ZMYND8: variants seen among roughly 807,000 people sequenced by gnomAD.
ZMYND8 encodes zinc finger MYND-type containing 8.
Under a neutral mutation model 140.8 loss-of-function variants are expected in ZMYND8, and 37 were observed. That is an observed-to-expected ratio of 0.26 (90% CI 0.20 to 0.35). ZMYND8 has a LOEUF of 0.35. Ranked by LOEUF, ZMYND8 falls within the 10% of genes least tolerant of loss-of-function variation. The pLI is 1.00. For missense variants in ZMYND8, 1,068 were observed against 1,570.0 expected, an observed-to-expected ratio of 0.68 and a Z score of 5.40; for synonymous variants, 592 against 597.1, an observed-to-expected ratio of 0.99 and a Z score of 0.12.
In ZMYND8 at chr20:47,333,214, T is replaced by TA. The variant is rs575136064; in HGVS notation, c.85+14641dup. On this transcript the variant is annotated intron_variant, in intron 2 of 22. Transcript: ENST00000471951. ...CATATATATATGAGAGAGAGAGAGATAAAAAAACACAAATGCATTTAAGCC... is the reference window on the plus strand; with the variant it reads ...CATATATATATGAGAGAGAGAGAGATAAAAAAAACACAAATGCATTTAAGCC... Among the ~76,000 whole-genome samples, 868 of 150,910 alleles carry TA rather than the reference T, an allele frequency of 5.8e-3. 9 individuals carry two copies. The highest frequency in any genetic ancestry group is 0.02 in the African/African-American group (830 of 41,040).
At position 47,282,226 on chromosome 20, in the gene ZMYND8, AG is replaced by A; in HGVS notation, c.883-10del. 1.9e-6 allele frequency: 3 copies of A among 1,607,736 alleles called. No homozygotes were observed. The highest frequency in any genetic ancestry group is 2.5e-6 in the Non-Finnish European group (3 of 1,177,108). On this transcript the variant is annotated splice_polypyrimidine_tract_variant and intron_variant, in intron 9 of 22. Coordinates refer to ENST00000471951, the MANE Select transcript of ZMYND8 (RefSeq NM_001281775.3). ...AAAGGATGTGGATTGCTCTAGGAAA[AG>A]AAAAACAAGATCCAGAGTTTGTACA...
intron 2 of ZMYND8, among the ~76,000 whole-genome samples, chr20:47,339,500 G>A (rs534651171): frequency 8.6e-5 from 13 of 151,294 alleles, no homozygotes; most frequent in South Asian, 2.1e-4. Flanking sequence ...TTTTTGAGAC[G>A]GAGTCTCACT....
intron 11 of ZMYND8, among the ~76,000 whole-genome samples, chr20:47,272,010 G>T (rs1027369531): frequency 2.1e-5 from 3 of 143,824 alleles, no homozygotes; most frequent in African/African-American, 2.5e-5. Context: ...CTGTAATAAA[G>T]AACTAATTTA....
At chr20:47,287,186 T>A (rs373094136) in intron 8 of ZMYND8, 43 bp downstream of exon 8, 16 of 1,571,666 alleles carry the variant, frequency 1.0e-5, no homozygotes, top group Non-Finnish European at 1.2e-5. Flanking sequence ...CCCCATCCCC[T>A]CCTTCTGGGT....
At chr20:47,247,105 T>C (rs1568982100) in intron 13 of ZMYND8, among the ~76,000 whole-genome samples, 1 of 152,230 alleles carries the variant, frequency 6.6e-6, no homozygotes, top group African/African-American at 2.4e-5. Context: ...CTTGCAGACA[T>C]GTTTCATGCG....
intron 19 of ZMYND8, among the ~76,000 whole-genome samples, chr20:47,222,449 T>C (rs916969944): frequency 6.6e-6 from 1 of 151,614 alleles, no homozygotes; most frequent in Non-Finnish European, 1.5e-5. Context: ...GGAAGGAGAA[T>C]GGCATGAGCC....
chr20:47,277,932 A>C (rs976824356), intron 10 of ZMYND8, among the ~76,000 whole-genome samples: 3 of 151,844 alleles, frequency 2.0e-5, no homozygotes, highest in Non-Finnish European at 4.4e-5. Context: ...CAGCCTCCCA[A>C]AGTGCTGGGA....
intron 18 of ZMYND8, 117 bp from the exon 19 acceptor site, chr20:47,224,673 G>T: frequency 6.5e-7 from 1 of 1,535,842 alleles, no homozygotes; most frequent in Non-Finnish European, 8.7e-7. Context: ...GAGAAGCCCT[G>T]GCTGTGTGCC....
chr20:47,221,603 G>A lies in ZMYND8; in HGVS notation c.3257-129C>T, dbSNP rs530803166. On this transcript the variant is annotated intron_variant, in intron 19 of 22. Transcript: ENST00000471951. The stretch of plus-strand genomic sequence containing the variant: ...CCCTACCCAGGGCATAAAAGTGGAG[G>A]CTCAAGGGGGCCAGATTGCCAGAGT... 10 of 1,144,894 alleles carry A rather than the reference G, an allele frequency of 8.7e-6. No homozygotes were observed. The South Asian group carries it at 1.7e-4, about 19-fold the overall frequency. 70.9% of individuals were successfully genotyped at this position (1,144,894 alleles called of 1,614,324 possible).
At chr20:47,272,406 A>C (rs971217282) in intron 11 of ZMYND8, among the ~76,000 whole-genome samples, 1 of 152,200 alleles carries the variant, frequency 6.6e-6, no homozygotes, top group Non-Finnish European at 1.5e-5. Flanking sequence ...GGTAACTCAC[A>C]GTGTAGCTAC....
At chr20:47,229,940 G>C (rs558956185) in intron 16 of ZMYND8, 134 bp from the exon 17 acceptor site, 20 of 698,110 alleles carry the variant, frequency 2.9e-5, no homozygotes, top group Admixed American at 1.5e-4. Context: ...GAGACACTGG[G>C]CATTTCTGGT....
At chr20:47,291,712 G>A (rs2077275650) in intron 6 of ZMYND8, 84 bp downstream of exon 6, 7 of 1,018,626 alleles carry the variant, frequency 6.9e-6, no homozygotes, top group African/African-American at 1.7e-5. Flanking sequence ...TGTCCAACTT[G>A]TGATAGAGCA....
At chr20:47,328,206 C>T (rs2148422398) in intron 2 of ZMYND8, among the ~76,000 whole-genome samples, 1 of 152,250 alleles carries the variant, frequency 6.6e-6, no homozygotes, top group Middle Eastern at 3.4e-3. Flanking sequence ...GGATCAGAGA[C>T]AAGGGATGTT....
At chr20:47,292,583 A>G (rs2077335413) in intron 5 of ZMYND8, among the ~76,000 whole-genome samples, 1 of 152,196 alleles carries the variant, frequency 6.6e-6, no homozygotes, top group African/African-American at 2.4e-5. Context: ...AAATTTCAGA[A>G]TATAATCTCA....
At chr20:47,257,862 G>C (rs2074869682) in intron 12 of ZMYND8, among the ~76,000 whole-genome samples, 1 of 152,008 alleles carries the variant, frequency 6.6e-6, no homozygotes, top group Non-Finnish European at 1.5e-5. Context: ...TTGGGGTTTT[G>C]TTTTTGTTTT....
At chr20:47,270,547 T>C (rs1210833934) in intron 11 of ZMYND8, among the ~76,000 whole-genome samples, 1 of 150,846 alleles carries the variant, frequency 6.6e-6, no homozygotes, top group Non-Finnish European at 1.5e-5. Context: ...TTTTATTTAG[T>C]TAAAAATGTG....
intron 2 of ZMYND8, among the ~76,000 whole-genome samples, chr20:47,343,957 C>CTTTTTTTTTTTATTT (rs2082125289): frequency 8.3e-6 from 1 of 119,962 alleles, no homozygotes; most frequent in African/African-American, 3.3e-5. Flanking sequence ...AGTGATAAAT[C>CTTTTTTTTTTTATTT]TTTTTTTTTT....
intron 12 of ZMYND8, among the ~76,000 whole-genome samples, chr20:47,251,460 G>C (rs531708737): frequency 6.6e-6 from 1 of 151,970 alleles, no homozygotes; most frequent in Admixed American, 6.6e-5. Flanking sequence ...GGTGGTGCAC[G>C]CCTGTAAACC....
At chr20:47,211,806 G>C (rs911416852) in intron 22 of ZMYND8, among the ~76,000 whole-genome samples, 4 of 152,096 alleles carry the variant, frequency 2.6e-5, no homozygotes, top group Admixed American at 1.3e-4. Flanking sequence ...GAGTGGAGTG[G>C]GCCAAGGAGG....
Sources: gnomAD v4.1 joint callset for allele counts (sites outside exome capture counted in the v4.1 genomes callset) on GRCh38, gnomAD v4.1.1 for gene constraint, MANE v1.5 for transcripts, NCBI Gene and HGNC (gene_info 2026-07-23, HGNC 2026-07-21) for gene names.